Variants in PARD3B observed in about 807,000 individuals in gnomAD.
PARD3B encodes par-3 family cell polarity regulator beta.
PARD3B carries 103 observed loss-of-function variants against 130.2 expected under a neutral mutation model. The ratio of observed to expected loss-of-function variants is 0.79; its 90% CI spans 0.67 to 0.93. The LOEUF (loss-of-function observed/expected upper bound fraction) is 0.93. Ranked by LOEUF, PARD3B falls within the 40% of genes least tolerant of loss-of-function variation. The probability of loss-of-function intolerance (pLI) is 0.00; values close to 1 mark genes in which losing one functional copy is unlikely to be tolerated. For missense variants in PARD3B, 1,609 were observed against 1,499.2 expected, an observed-to-expected ratio of 1.07 and a Z score of -1.21; for synonymous variants, 583 against 553.2, an observed-to-expected ratio of 1.05 and a Z score of -0.76.
intron 14 of PARD3B, among the ~76,000 whole-genome samples, chr2:205,188,893 A>C (rs561604083): frequency 6.6e-6 from 1 of 152,174 alleles, no homozygotes; most frequent in Non-Finnish European, 1.5e-5. Flanking sequence ...GGAAAGAAAA[A>C]CAAATTTGAT....
rs1330501257 is a variant in PARD3B at position 205,125,746 on chromosome 2, C to A, written c.1434+9C>A. 2 of 1,613,718 alleles carry A rather than the reference C, an allele frequency of 1.2e-6. No homozygotes were observed. On this transcript the variant is annotated intron_variant, in intron 10 of 22. Coordinates refer to ENST00000406610, the MANE Select transcript of PARD3B (RefSeq NM_001302769.2). The surrounding 1 kb of genome is among the most constrained non-coding windows in gnomAD (Gnocchi z 4.0). ...TTCTGCCCCGAGAGTTGGTAATGTT[C>A]AGATCTCAGTCTCACTGAATTTTTA...
intron 4 of PARD3B, among the ~76,000 whole-genome samples, chr2:205,102,184 T>A (rs1702832340): frequency 6.6e-6 from 1 of 151,992 alleles, no homozygotes; most frequent in South Asian, 2.1e-4. Flanking sequence ...AGAGAAACTG[T>A]GAGAGAGAAT....
At chr2:204,695,940 G>A (rs921042565) in intron 2 of PARD3B, among the ~76,000 whole-genome samples, 4 of 151,994 alleles carry the variant, frequency 2.6e-5, no homozygotes, top group Non-Finnish European at 5.9e-5. Flanking sequence ...AATGTGGGTG[G>A]TAAGAAGGGA....
At chr2:205,595,592 G>A (rs1049142830) in intron 22 of PARD3B, among the ~76,000 whole-genome samples, 1 of 152,144 alleles carries the variant, frequency 6.6e-6, no homozygotes, top group Non-Finnish European at 1.5e-5. Context: ...TAAAAACAAG[G>A]AAACCATTTC....
intron 18 of PARD3B, among the ~76,000 whole-genome samples, chr2:205,399,893 A>G (rs1179363531): frequency 6.6e-6 from 1 of 152,118 alleles, no homozygotes; most frequent in Non-Finnish European, 1.5e-5. Context: ...TTAGAGAGTG[A>G]TTGTGCATAA....
intron 2 of PARD3B, among the ~76,000 whole-genome samples, chr2:204,961,413 T>C (rs1276173053): frequency 6.6e-6 from 1 of 152,114 alleles, no homozygotes; most frequent in Non-Finnish European, 1.5e-5. Flanking sequence ...ACAAGGTGTT[T>C]GGCCTGAGCA....
intron 2 of PARD3B, among the ~76,000 whole-genome samples, chr2:204,789,028 A>G (rs764236790): frequency 2.6e-5 from 4 of 152,108 alleles, no homozygotes; most frequent in African/African-American, 4.8e-5. Flanking sequence ...GTCATGTTCT[A>G]TTATTAAATG....
At chr2:204,946,554 G>C (rs1689335266) in intron 2 of PARD3B, among the ~76,000 whole-genome samples, 1 of 152,108 alleles carries the variant, frequency 6.6e-6, no homozygotes, top group South Asian at 2.1e-4. Context: ...GATTTATTTT[G>C]CTTCTAGGTC....
At chr2:204,631,248 CT>C (rs57424347) in intron 1 of PARD3B, among the ~76,000 whole-genome samples, 88,505 of 137,216 alleles carry the variant, frequency 0.65, 28,250 homozygotes, top group Non-Finnish European at 0.74. Context: ...TTCTTTCTTT[CT>C]TTTTTTTTTT....
intron 2 of PARD3B, among the ~76,000 whole-genome samples, chr2:204,748,048 C>G (rs1421703343): frequency 6.6e-6 from 1 of 151,870 alleles, no homozygotes; most frequent in Non-Finnish European, 1.5e-5. Flanking sequence ...TAGGAAGACT[C>G]TTTATAAAAA....
intron 2 of PARD3B, among the ~76,000 whole-genome samples, chr2:204,927,341 G>C (rs536230474): frequency 6.6e-6 from 1 of 152,212 alleles, no homozygotes; most frequent in South Asian, 2.1e-4. Flanking sequence ...GCACCCCAGA[G>C]AGATCTCCTT....
rs2033022193 is a variant in PARD3B at position 205,142,263 on chromosome 2, T to G, written c.1435-16459T>G. Among the ~76,000 whole-genome samples the G allele has an allele frequency of 6.6e-6, 1 of 152,156 alleles. No homozygotes were observed. The highest frequency in any genetic ancestry group is 2.4e-5 in the African/African-American group (1 of 41,448). On this transcript the variant is annotated intron_variant, in intron 10 of 22. Transcript: ENST00000406610. This position sits in a 1 kb window ranked among gnomAD's most constrained non-coding sequence, Gnocchi z 4.3. ...AAGTTTTAGGTGGAGAGAATCCCAT[T>G]TAAATAGTTAAAGAAGGTATATGTA...
At chr2:204,941,017 T>C (rs886742157) in intron 2 of PARD3B, among the ~76,000 whole-genome samples, 1 of 152,232 alleles carries the variant, frequency 6.6e-6, no homozygotes, top group African/African-American at 2.4e-5. Context: ...CAGTGTTGTA[T>C]GTTCTATTCA....
chr2:204,591,563 T>G (rs2033074340), intron 1 of PARD3B, among the ~76,000 whole-genome samples: 1 of 152,224 alleles, frequency 6.6e-6, no homozygotes, highest in East Asian at 1.9e-4. Flanking sequence ...GATTAACTGT[T>G]TGGCTCATCA....
In PARD3B at chr2:204,686,161, T is replaced by C; in HGVS notation, c.121-20T>C. ...TTTAACATAGATTAGGTCATTAAAC[T>C]TGTGTTTGTTCTACTATAGGGTCCT... On this transcript the variant is annotated intron_variant, in intron 1 of 22. Transcript: ENST00000406610. 1.3e-6 allele frequency: 2 copies of C among 1,514,602 alleles called. No homozygotes were observed. Among genetic ancestry groups the C allele is most frequent in the Non-Finnish European group, 1.8e-6 (2 of 1,090,342 alleles). 93.8% of individuals were successfully genotyped at this position (1,514,602 alleles called of 1,614,324 possible).
At chr2:205,075,503 T>C (rs892060390) in intron 4 of PARD3B, among the ~76,000 whole-genome samples, 1 of 151,958 alleles carries the variant, frequency 6.6e-6, no homozygotes. Context: ...GATCATATAT[T>C]AAGAAATATA....
At chr2:205,277,878 G>A (rs1161874328) in intron 16 of PARD3B, among the ~76,000 whole-genome samples, 1 of 152,136 alleles carries the variant, frequency 6.6e-6, no homozygotes, top group Non-Finnish European at 1.5e-5. Flanking sequence ...GGAAACAGAT[G>A]CCCAGAGGGA....
intron 1 of PARD3B, among the ~76,000 whole-genome samples, chr2:204,577,346 TATC>T (rs61100244): frequency 1.8e-3 from 273 of 152,344 alleles, no homozygotes; most frequent in Middle Eastern, 0.014. Context: ...CATTTACTAT[TATC>T]ATTATTATTT....
At chr2:204,566,901 C>T (rs1221845320) in intron 1 of PARD3B, among the ~76,000 whole-genome samples, 18 of 145,532 alleles carry the variant, frequency 1.2e-4, no homozygotes, top group Non-Finnish European at 2.1e-4. Context: ...TTTTTTGAGA[C>T]GGAGTCTCGC....
Sources: gnomAD v4.1 joint callset for allele counts (sites outside exome capture counted in the v4.1 genomes callset) on GRCh38, gnomAD v4.1.1 for gene constraint, Gnocchi (gnomAD v3.1) non-coding constraint, MANE v1.5 for transcripts, NCBI Gene and HGNC (gene_info 2026-07-23, HGNC 2026-07-21) for gene names.